SHISA9: variants seen among roughly 807,000 people sequenced by gnomAD.
SHISA9 encodes shisa family member 9.
Under a neutral mutation model 38.0 loss-of-function variants are expected in SHISA9, and 13 were observed. The ratio of observed to expected loss-of-function variants is 0.34; its 90% CI spans 0.22 to 0.54. The LOEUF (loss-of-function observed/expected upper bound fraction) is 0.54, where lower values mean the gene tolerates loss of function less well. Among genes scored for constraint, SHISA9 ranks in the 20% least tolerant of loss-of-function variants. The probability of loss-of-function intolerance (pLI) is 0.91; values close to 1 mark genes in which losing one functional copy is unlikely to be tolerated. For synonymous variants in SHISA9, 275 were observed against 242.0 expected, an observed-to-expected ratio of 1.14 and a Z score of -1.27; for missense variants, 538 against 575.8, an observed-to-expected ratio of 0.93 and a Z score of 0.67.
the SHISA9 span, among the ~76,000 whole-genome samples, chr16:13,389,821 A>G: frequency 6.6e-6 from 1 of 152,226 alleles, no homozygotes; most frequent in South Asian, 2.1e-4. Context: ...GAAAATCACA[A>G]TGCAATATCT....
rs8059591 is a variant in SHISA9 at position 12,915,103 on chromosome 16, G to A, written c.564-1585G>A. 1.2e-3 allele frequency among the ~76,000 whole-genome samples: 177 copies of A among 152,260 alleles called. 1 individual carries two copies. The highest frequency in any genetic ancestry group is 4.0e-3 in the African/African-American group (165 of 41,548). On this transcript the variant is annotated intron_variant, in intron 1 of 4. Coordinates refer to ENST00000558583, the MANE Select transcript of SHISA9 (RefSeq NM_001145204.3). ...GGCATGGGGGTATATCCCCAAACAC[G>A]GCAATTCTACTTGTGGGTTTGCACC...
chr16:13,114,491 C>T (rs969412980), intron 2 of SHISA9, among the ~76,000 whole-genome samples: 8 of 139,512 alleles, frequency 5.7e-5, no homozygotes, highest in African/African-American at 1.3e-4. Flanking sequence ...AAAAAAAAGA[C>T]GAAAAATACG....
At chr16:13,394,483 C>T in the SHISA9 span, among the ~76,000 whole-genome samples, 1 of 152,332 alleles carries the variant, frequency 6.6e-6, no homozygotes, top group South Asian at 2.1e-4. Flanking sequence ...GTCCATTCTA[C>T]ACTCAGTTCA....
chr16:13,108,835 A>AGTTG (rs2073950751), intron 2 of SHISA9, among the ~76,000 whole-genome samples: 1 of 152,160 alleles, frequency 6.6e-6, no homozygotes, highest in Admixed American at 6.5e-5. Context: ...TGTGAGCCCC[A>AGTTG]AGTTGAGTAC....
At chr16:13,391,988 C>G in the SHISA9 span, among the ~76,000 whole-genome samples, 2 of 152,164 alleles carry the variant, frequency 1.3e-5, no homozygotes, top group Non-Finnish European at 2.9e-5. Flanking sequence ...TCCCGGTTTG[C>G]TGGTATCTGT....
In SHISA9 at chr16:13,181,966, G is replaced by T. The variant is rs2050782860; in HGVS notation, c.692-21428G>T. On this transcript the variant is annotated intron_variant, in intron 2 of 4. Transcript: ENST00000558583. ...AGGTTTTGTTCCATGCGAGCAATAA[G>T]TATGGTGCAAAACAGCCATCAGGTG... 2.6e-5 allele frequency among the ~76,000 whole-genome samples: 4 copies of T among 152,324 alleles called. No individual in the cohort carries two copies. In the South Asian group the frequency reaches 8.3e-4, roughly 32 times the overall value.
intron 2 of SHISA9, among the ~76,000 whole-genome samples, chr16:12,989,570 G>A (rs1341521136): frequency 1.3e-5 from 2 of 151,992 alleles, no homozygotes; most frequent in African/African-American, 4.8e-5. Flanking sequence ...AGCTTGAAAG[G>A]TTTGGGACTG....
intron 2 of SHISA9, among the ~76,000 whole-genome samples, chr16:13,198,952 G>C (rs1444859804): frequency 6.6e-6 from 1 of 152,138 alleles, no homozygotes; most frequent in Non-Finnish European, 1.5e-5. Flanking sequence ...CTGCCCCTGA[G>C]GTGTCTCAGG....
intron 2 of SHISA9, among the ~76,000 whole-genome samples, chr16:13,049,699 T>C (rs1363939113): frequency 1.3e-5 from 2 of 152,146 alleles, no homozygotes; most frequent in Non-Finnish European, 2.9e-5. Context: ...AAAAGGATAA[T>C]GAGTCCTCAT....
intron 2 of SHISA9, among the ~76,000 whole-genome samples, chr16:12,922,521 C>A (rs1206100887): frequency 6.6e-6 from 1 of 152,154 alleles, no homozygotes; most frequent in African/African-American, 2.4e-5. Context: ...ATTTCCCCAA[C>A]CTTTTCTTTT....
At position 13,096,942 on chromosome 16, in the gene SHISA9, A is replaced by G. The variant is rs954692711; in HGVS notation, c.692-106452A>G. Among the ~76,000 whole-genome samples, 5 of 152,016 alleles carry G rather than the reference A, an allele frequency of 3.3e-5. No individual in the cohort carries two copies. In the East Asian group the frequency reaches 7.7e-4, roughly 24 times the overall value. On this transcript the variant is annotated intron_variant, in intron 2 of 4. Coordinates refer to ENST00000558583, the MANE Select transcript of SHISA9 (RefSeq NM_001145204.3). ...GAGTGACCCCTCTGTTCCCTACACT[A>G]TATTCCTACTGGGCTCCATTTCTCT... is the stretch of plus-strand genomic sequence containing the variant.
At chr16:13,207,436 TTGAA>T (rs951590486) in intron 3 of SHISA9, among the ~76,000 whole-genome samples, 48 of 151,980 alleles carry the variant, frequency 3.2e-4, no homozygotes, top group African/African-American at 1.1e-3. Flanking sequence ...GAAATGTTTG[TTGAA>T]TGAATGAATG....
At chr16:13,367,941 A>G in the SHISA9 span, among the ~76,000 whole-genome samples, 12 of 152,112 alleles carry the variant, frequency 7.9e-5, no homozygotes, top group East Asian at 2.3e-3. Context: ...ATTTTAGGGT[A>G]CATGTGCACA....
intron 2 of SHISA9, among the ~76,000 whole-genome samples, chr16:13,080,317 G>T (rs958784690): frequency 1.3e-5 from 2 of 152,220 alleles, no homozygotes; most frequent in African/African-American, 4.8e-5. Flanking sequence ...AGCTTGCAGT[G>T]AGCCTAGATT....
the SHISA9 span, among the ~76,000 whole-genome samples, chr16:13,279,850 T>C: frequency 2.0e-5 from 3 of 151,980 alleles, no homozygotes; most frequent in African/African-American, 7.2e-5. Flanking sequence ...TTTAGTATTA[T>C]GTAATGTCAC....
At chr16:13,180,206 G>C (rs958408890) in intron 2 of SHISA9, among the ~76,000 whole-genome samples, 3 of 152,208 alleles carry the variant, frequency 2.0e-5, no homozygotes, top group African/African-American at 2.4e-5. Context: ...AAAAGGTATA[G>C]ATATATTCAG....
the SHISA9 span, among the ~76,000 whole-genome samples, chr16:13,466,323 T>G: frequency 6.6e-6 from 1 of 152,244 alleles, no homozygotes; most frequent in Non-Finnish European, 1.5e-5. Flanking sequence ...AATTAAATAC[T>G]GCTCCGCAAT....
At chr16:13,328,668 T>C in the SHISA9 span, among the ~76,000 whole-genome samples, 1 of 151,888 alleles carries the variant, frequency 6.6e-6, no homozygotes, top group East Asian at 1.9e-4. Context: ...AGACGTGATT[T>C]TGCCACGTTG....
chr16:13,267,922 T>C, the SHISA9 span, among the ~76,000 whole-genome samples: 5 of 150,364 alleles, frequency 3.3e-5, no homozygotes, highest in Non-Finnish European at 5.9e-5. Flanking sequence ...TCTATTGGAA[T>C]AGACATTTCT....
Sources: gnomAD v4.1 joint callset for allele counts (sites outside exome capture counted in the v4.1 genomes callset) on GRCh38, gnomAD v4.1.1 for gene constraint, MANE v1.5 for transcripts, NCBI Gene and HGNC (gene_info 2026-07-23, HGNC 2026-07-21) for gene names.